Variants in CCDC102B observed in about 807,000 individuals in gnomAD.
CCDC102B encodes coiled-coil domain containing 102B.
In CCDC102B, 75 loss-of-function variants were observed where a neutral mutation model predicts 57.4. That is an observed-to-expected ratio of 1.31 (90% CI 1.08 to 1.58). The LOEUF (loss-of-function observed/expected upper bound fraction) is 1.58, where lower values mean the gene tolerates loss of function less well. Ranked by LOEUF, CCDC102B falls within the 40% of genes most tolerant of loss-of-function variation. The pLI, the probability that CCDC102B is intolerant of heterozygous loss-of-function variation, is 0.00. For synonymous variants in CCDC102B, 206 were observed against 201.9 expected (o/e 1.02, Z -0.17); for missense variants, 636 against 582.6 (o/e 1.09, Z -0.94).
upstream of CCDC102B, among the ~76,000 whole-genome samples, chr18:68,797,539 G>T (rs2035674025): frequency 2.6e-5 from 4 of 151,938 alleles, no homozygotes; most frequent in Non-Finnish European, 5.9e-5. Context: ...GGCACCCCGG[G>T]GACTACAGCT....
chr18:68,943,883 A>C, intron 6 of CCDC102B, among the ~76,000 whole-genome samples: 1 of 152,198 alleles, frequency 6.6e-6, no homozygotes, highest in South Asian at 2.1e-4. Flanking sequence ...CAAGAATCAA[A>C]GAAACAAATG....
intron 7 of CCDC102B, among the ~76,000 whole-genome samples, chr18:69,015,114 A>C (rs1383908002): frequency 2.0e-5 from 3 of 152,138 alleles, no homozygotes; most frequent in Non-Finnish European, 4.4e-5. Flanking sequence ...TGTTTGGCAA[A>C]TGGAATGCGT....
chr18:69,022,222 T>TATATATATATATATATAAAAAA (rs1395799223), intron 7 of CCDC102B, among the ~76,000 whole-genome samples: 1 of 94,978 alleles, frequency 1.1e-5, no homozygotes, highest in Admixed American at 1.1e-4. Context: ...TATATATATA[T>TATATATATATATATATAAAAAA]AACACACACA....
chr18:68,748,866 A>G (rs530530418), intron 2 of CCDC102B, among the ~76,000 whole-genome samples: 120 of 152,286 alleles, frequency 7.9e-4, no homozygotes, highest in South Asian at 2.3e-3. Flanking sequence ...AGAGAAAAGC[A>G]TAGGAGGGAA....
At chr18:68,838,974 A>G in intron 3 of CCDC102B, 48 bp downstream of exon 3, 1 of 1,451,474 alleles carries the variant, frequency 6.9e-7, no homozygotes, top group South Asian at 1.2e-5. Flanking sequence ...GTTTCAAATC[A>G]CTTAAAATTG....
intron 2 of CCDC102B, among the ~76,000 whole-genome samples, chr18:68,738,993 C>CTTTTTTTTTTTTTTTTTTTTTT (rs201214278): frequency 1.8e-4 from 26 of 145,022 alleles, no homozygotes; most frequent in South Asian, 1.1e-3. Flanking sequence ...GATGAGCAGC[C>CTTTTTTTTTTTTTTTTTTTTTT]TTTTGTTTTT....
intron 7 of CCDC102B, among the ~76,000 whole-genome samples, chr18:69,015,262 C>G (rs1289423386): frequency 1.3e-5 from 2 of 152,080 alleles, no homozygotes; most frequent in Non-Finnish European, 2.9e-5. Flanking sequence ...TACTTCTAAT[C>G]GAATCAATTG....
chr18:68,789,551 A>G lies in CCDC102B; in HGVS notation c.-66-33815A>G, dbSNP rs1330899220. Among the ~76,000 whole-genome samples the G allele has an allele frequency of 6.7e-3, 986 of 147,108 alleles. 11 individuals carry two copies. Among genetic ancestry groups the G allele is most frequent in the African/African-American group, 0.022 (884 of 39,720 alleles). On this transcript the variant is annotated intron_variant, in intron 2 of 3. Transcript: ENST00000578970. ...TTTCTTTTTATTCTTTTTTCTCTAA[A>G]CTTCCCTTCTCGCTTCATTTCATTC... is the stretch of plus-strand genomic sequence containing the variant.
At chr18:68,979,147 AAC>A (rs778564470) in intron 6 of CCDC102B, among the ~76,000 whole-genome samples, 2 of 152,034 alleles carry the variant, frequency 1.3e-5, no homozygotes, top group Non-Finnish European at 2.9e-5. Flanking sequence ...TTCACTTTTT[AAC>A]AGTTTATTAA....
chr18:69,023,743 TA>T (rs1468675885), intron 7 of CCDC102B, among the ~76,000 whole-genome samples: 1 of 151,952 alleles, frequency 6.6e-6, no homozygotes, highest in Admixed American at 6.6e-5. Flanking sequence ...ACATATCCCC[TA>T]TTTTTATATA....
chr18:69,056,273 T>A (rs1267387884), downstream of CCDC102B, among the ~76,000 whole-genome samples: 1 of 152,086 alleles, frequency 6.6e-6, no homozygotes, highest in African/African-American at 2.4e-5. Flanking sequence ...TATTGGGAAC[T>A]AAATATTGTT....
At chr18:68,913,637 A>G (rs1275738566) in intron 6 of CCDC102B, among the ~76,000 whole-genome samples, 2 of 147,492 alleles carry the variant, frequency 1.4e-5, no homozygotes, top group Non-Finnish European at 3.0e-5. Flanking sequence ...CCTGGGTAAC[A>G]GAGTGACACT....
chr18:68,948,268 C>A (rs1332639201), intron 6 of CCDC102B, among the ~76,000 whole-genome samples: 1 of 151,942 alleles, frequency 6.6e-6, no homozygotes, highest in South Asian at 2.1e-4. Flanking sequence ...AGGGTAATTT[C>A]TGTGACTTTT....
At chr18:68,776,212 A>AT (rs2034810164) in intron 2 of CCDC102B, among the ~76,000 whole-genome samples, 1 of 152,178 alleles carries the variant, frequency 6.6e-6, no homozygotes, top group Non-Finnish European at 1.5e-5. Context: ...TCAGTTGGGT[A>AT]TAATCTGCTT....
intron 6 of CCDC102B, among the ~76,000 whole-genome samples, chr18:68,903,120 T>A (rs1266464350): frequency 6.6e-6 from 1 of 152,162 alleles, no homozygotes; most frequent in Non-Finnish European, 1.5e-5. Context: ...GAAGTCAGGA[T>A]GAATGGATAT....
chr18:68,747,451 G>T (rs1024650300), intron 2 of CCDC102B, among the ~76,000 whole-genome samples: 4 of 151,998 alleles, frequency 2.6e-5, no homozygotes, highest in African/African-American at 9.7e-5. Context: ...GCATGGTGTT[G>T]TACAGATTTC....
chr18:68,982,415 T>C (rs542457334), intron 6 of CCDC102B, among the ~76,000 whole-genome samples: 3 of 151,974 alleles, frequency 2.0e-5, no homozygotes, highest in African/African-American at 7.2e-5. Flanking sequence ...TTAATTAATT[T>C]GATTTGTAGA....
At chr18:69,004,980 G>C (rs188799194) in intron 6 of CCDC102B, among the ~76,000 whole-genome samples, 41 of 152,264 alleles carry the variant, frequency 2.7e-4, no homozygotes, top group African/African-American at 9.4e-4. Flanking sequence ...TATAATAAAT[G>C]TTTATGAATA....
At chr18:68,784,752 G>C (rs567151030) in intron 2 of CCDC102B, among the ~76,000 whole-genome samples, 21 of 152,018 alleles carry the variant, frequency 1.4e-4, no homozygotes, top group Non-Finnish European at 2.6e-4. Flanking sequence ...TTAGGATCAA[G>C]AACAAACCTA....
Sources: gnomAD v4.1 joint callset for allele counts (sites outside exome capture counted in the v4.1 genomes callset) on GRCh38, gnomAD v4.1.1 for gene constraint, MANE v1.5 for transcripts, NCBI Gene and HGNC (gene_info 2026-07-23, HGNC 2026-07-21) for gene names.